Variants in IL18R1 observed in about 807,000 individuals in gnomAD.
The protein encoded by IL18R1 is interleukin 18 receptor 1, also known as interleukin-18 receptor 1.
IL18R1 carries 40 observed loss-of-function variants against 48.5 expected under a neutral mutation model. That is an observed-to-expected ratio of 0.82 (90% CI 0.64 to 1.07). The LOEUF (loss-of-function observed/expected upper bound fraction) is 1.07. Ranked by LOEUF, IL18R1 falls within the 50% of genes least tolerant of loss-of-function variation. The pLI is 0.00. For synonymous variants in IL18R1, 232 were observed against 225.9 expected, an observed-to-expected ratio of 1.03 and a Z score of -0.24; for missense variants, 596 against 633.7, an observed-to-expected ratio of 0.94 and a Z score of 0.64.
At chr2:102,383,430 G>A (rs534603249) in intron 6 of IL18R1, among the ~76,000 whole-genome samples, 1 of 152,164 alleles carries the variant, frequency 6.6e-6, no homozygotes, top group East Asian at 1.9e-4. Flanking sequence ...ATCTCCTTTA[G>A]TTCTGTCAAT....
At chr2:102,375,457 T>C (rs1679519013) in intron 4 of IL18R1, among the ~76,000 whole-genome samples, 1 of 152,054 alleles carries the variant, frequency 6.6e-6, no homozygotes, top group South Asian at 2.1e-4. Context: ...TCTGAGTAAT[T>C]CTCCACCCAT....
Position 102,356,319 on chromosome 2 carries a change from T to C in IL18R1, c.-110T>C, listed in dbSNP as rs1013727780. ...AGATCGCTGCTTCTCACCTACTTTC[T>C]GAACTTGGCCTCCGCAGTCGCGACC... On this transcript the variant is annotated 5_prime_UTR_variant, in exon 1 of 11. Coordinates refer to ENST00000233957, the MANE Select transcript of IL18R1 (RefSeq NM_003855.5). 4 of 984,894 alleles carry C rather than the reference T, an allele frequency of 4.1e-6. No individual in the cohort carries two copies. The highest frequency in any genetic ancestry group is 1.1e-4 in the East Asian group (1 of 8,802). The allele number at this position is 984,894 out of a possible 1,614,324, so 61.0% of individuals were successfully genotyped here. A position where few individuals can be genotyped will look rare whatever the true frequency, so the allele number is the denominator to read the frequency against.
chr2:102,387,150 C>T (rs1166742818), intron 8 of IL18R1, 150 bp downstream of exon 8: 5 of 750,266 alleles, frequency 6.7e-6, no homozygotes, highest in African/African-American at 3.5e-5. Flanking sequence ...TTCAGTGGGG[C>T]CCCTCTGTCT....
intron 5 of IL18R1, among the ~76,000 whole-genome samples, chr2:102,378,725 C>A (rs960635097): frequency 6.6e-6 from 1 of 152,240 alleles, no homozygotes; most frequent in Admixed American, 6.5e-5. Flanking sequence ...GCACTTGGCA[C>A]ATAAAGGTGC....
chr2:102,386,927 A>C lies in IL18R1; in HGVS notation c.876A>C (p.Leu292=). ...TTGAAAATATTGGTGAAAGCAATCT[A>C]AATGTTTTATATAATTGCACTGTGG... ...LRIENIGESN[L]NVLYNCTVAS... The change falls in exon 8 of 11, where the codon CTA becomes CTC. Residue 292 remains leucine, a synonymous_variant. Coordinates refer to ENST00000233957, the MANE Select transcript of IL18R1 (RefSeq NM_003855.5). The C allele has an allele frequency of 6.2e-7, 1 of 1,613,948 alleles. No individual in the cohort carries two copies. Among genetic ancestry groups the C allele is most frequent in the Non-Finnish European group, 8.5e-7 (1 of 1,179,770 alleles).
chr2:102,381,827 C>T, intron 6 of IL18R1, 145 bp downstream of exon 6: 1 of 635,552 alleles, frequency 1.6e-6, no homozygotes. Flanking sequence ...GAAAAGAGTG[C>T]CATTTTTTGA....
chr2:102,380,382 A>T (rs1679849654), intron 5 of IL18R1, among the ~76,000 whole-genome samples: 2 of 152,154 alleles, frequency 1.3e-5, no homozygotes, highest in South Asian at 4.1e-4. Flanking sequence ...GGATCCAGAG[A>T]AAGGTAGTCA....
chr2:102,385,019 T>C (rs745840990), intron 7 of IL18R1, 21 bp downstream of exon 7: 2 of 1,321,704 alleles, frequency 1.5e-6, no homozygotes, highest in African/African-American at 1.4e-5. Context: ...GTAATATATA[T>C]GTCATGATAT....
intron 10 of IL18R1, 115 bp from the exon 11 acceptor site, chr2:102,396,416 A>G: frequency 1.7e-6 from 1 of 581,648 alleles, no homozygotes; most frequent in Non-Finnish European, 3.0e-6. Flanking sequence ...TCTTAAAGAA[A>G]AACTTATTAG....
intron 6 of IL18R1, among the ~76,000 whole-genome samples, chr2:102,383,153 A>G (rs1192156672): frequency 1.3e-5 from 2 of 152,228 alleles, no homozygotes; most frequent in Non-Finnish European, 2.9e-5. Context: ...CCAAGATTAT[A>G]CACAGTGTCA....
At chr2:102,396,418 A>G (rs1457195885) in intron 10 of IL18R1, 113 bp from the exon 11 acceptor site, 18 of 583,514 alleles carry the variant, frequency 3.1e-5, no homozygotes, top group Non-Finnish European at 5.3e-5. Context: ...TTAAAGAAAA[A>G]CTTATTAGTG....
Position 102,355,859 on chromosome 2 carries a change from A to G in IL18R1, c.-570A>G, listed in dbSNP as rs572543764. On this transcript the variant is annotated 5_prime_UTR_variant, in exon 1 of 11. Coordinates refer to ENST00000233957, the MANE Select transcript of IL18R1 (RefSeq NM_003855.5). ...GCCTGGGGCCCACGCCGTCCGCGGGAAAAGGGCAAGGCGCTGGGTTTTCCA... is the reference window on the plus strand; with the variant it reads ...GCCTGGGGCCCACGCCGTCCGCGGGGAAAGGGCAAGGCGCTGGGTTTTCCA... 1 of 152,320 alleles carries G rather than the reference A, an allele frequency of 6.6e-6. No homozygotes were observed. Among genetic ancestry groups the G allele is most frequent in the South Asian group, 2.1e-4 (1 of 4,830 alleles). The allele number at this position is 152,320 out of a possible 1,614,324, so 9.4% of individuals were successfully genotyped here. A position where few individuals can be genotyped will look rare whatever the true frequency, so the allele number is the denominator to read the frequency against.
chr2:102,357,383 C>T (rs1490513436), intron 1 of IL18R1, among the ~76,000 whole-genome samples: 4 of 151,532 alleles, frequency 2.6e-5, no homozygotes, highest in East Asian at 1.9e-4. Context: ...CCCAGCTACT[C>T]GGGAGGCTGA....
Position 102,397,577 on chromosome 2 carries a change from G to A in IL18R1, c.*691G>A, listed in dbSNP as rs1046948869. 6.6e-6 allele frequency: 1 copy of A among 152,366 alleles called. No individual in the cohort carries two copies. The highest frequency in any genetic ancestry group is 2.4e-5 in the African/African-American group (1 of 41,450). 9.4% of individuals were successfully genotyped at this position (152,366 alleles called of 1,614,324 possible). The stretch of plus-strand genomic sequence containing the variant: ...GAATAGCTCTTTATCTTTCACAAGA[G>A]ACACAAATTCTAATTGAGTTAATTA... On this transcript the variant is annotated 3_prime_UTR_variant, in exon 11 of 11. Coordinates refer to ENST00000233957, the MANE Select transcript of IL18R1 (RefSeq NM_003855.5).
At chr2:102,377,700 C>T (rs796491812) in intron 5 of IL18R1, among the ~76,000 whole-genome samples, 26 of 152,310 alleles carry the variant, frequency 1.7e-4, no homozygotes, top group African/African-American at 5.5e-4. Context: ...ATTTCAGAGC[C>T]AAACACATTT....
chr2:102,366,171 A>G (rs1261270478), intron 2 of IL18R1, among the ~76,000 whole-genome samples: 1 of 152,088 alleles, frequency 6.6e-6, no homozygotes, highest in Non-Finnish European at 1.5e-5. Context: ...CAAGCTGTGA[A>G]TTTTCCAAAC....
At chr2:102,372,202 G>T in intron 4 of IL18R1, 84 bp downstream of exon 4, 3 of 1,143,054 alleles carry the variant, frequency 2.6e-6, no homozygotes, top group South Asian at 3.0e-5. Flanking sequence ...TACCATTCTG[G>T]TCTCATAACA....
At chr2:102,359,237 T>C (rs1418025546) in intron 1 of IL18R1, among the ~76,000 whole-genome samples, 1 of 152,060 alleles carries the variant, frequency 6.6e-6, no homozygotes, top group Non-Finnish European at 1.5e-5. Context: ...TTCATGTCAA[T>C]CAAGAAAATT....
At chr2:102,359,966 T>C (rs2105023805) in intron 1 of IL18R1, among the ~76,000 whole-genome samples, 1 of 152,270 alleles carries the variant, frequency 6.6e-6, no homozygotes, top group South Asian at 2.1e-4. Context: ...GATAAGAAAA[T>C]TGAGGCACAG....
Sources: allele counts gnomAD v4.1 joint callset (sites outside exome capture counted in the v4.1 genomes callset), GRCh38; gene constraint gnomAD v4.1.1; transcripts MANE v1.5; gene names NCBI Gene and HGNC (gene_info 2026-07-23, HGNC 2026-07-21).